Variants in ASCC2 observed in about 807,000 individuals in gnomAD.
The protein encoded by ASCC2 is ASC-1 complex subunit P100.
Under a neutral mutation model 93.5 loss-of-function variants are expected in ASCC2, and 42 were observed. The observed-to-expected ratio is 0.45, with a 90% confidence interval of 0.35 to 0.58. The LOEUF is 0.58. Among genes scored for constraint, ASCC2 ranks in the 20% least tolerant of loss-of-function variants. ASCC2 has a pLI of 0.00. For missense variants in ASCC2, 859 were observed against 977.6 expected (o/e 0.88, Z 1.62); for synonymous variants, 364 against 384.2 (o/e 0.95, Z 0.62).
intron 1 of ASCC2, among the ~76,000 whole-genome samples, chr22:29,837,974 C>T (rs1454670877): frequency 6.6e-6 from 1 of 152,232 alleles, no homozygotes; most frequent in Non-Finnish European, 1.5e-5. Context: ...TGGTCCAACG[C>T]CACTCTGGGG....
At chr22:29,813,364 T>A in intron 8 of ASCC2, 66 bp downstream of exon 8, 1 of 1,153,330 alleles carries the variant, frequency 8.7e-7, no homozygotes, top group Non-Finnish European at 1.3e-6. Context: ...GTTAAATGAG[T>A]AAATATTTGT....
In ASCC2 at chr22:29,804,665, T is replaced by C; in HGVS notation, c.1326A>G (p.Ser442=). The C allele has an allele frequency of 6.2e-7, 1 of 1,614,114 alleles. No homozygotes were observed. The highest frequency in any genetic ancestry group is 8.5e-7 in the Non-Finnish European group (1 of 1,180,008). ...CCTCTTCCTCCGAGTTCTCCGGATG[T>C]GATGATGCTTGACTGACTGCCTCTG... The part of the protein sequence containing the change: ...VTAEAVSQAS[S]HPENSEEEEC... The change falls in exon 13 of 20, where the codon TCA becomes TCG. Residue 442 remains serine (S), a synonymous_variant. Transcript: ENST00000307790.
chr22:29,800,081 C>T (rs1440870644), intron 15 of ASCC2, among the ~76,000 whole-genome samples: 1 of 152,258 alleles, frequency 6.6e-6, no homozygotes, highest in Non-Finnish European at 1.5e-5. Flanking sequence ...CCGCTGCACC[C>T]AGCCCTGATC....
At position 29,788,783 on chromosome 22, in the gene ASCC2, G is replaced by T; in HGVS notation, c.*230C>A. 3.6e-6 allele frequency: 2 copies of T among 561,584 alleles called. No homozygotes were observed. The highest frequency in any genetic ancestry group is 4.2e-5 in the South Asian group (2 of 47,152). 34.8% of individuals were successfully genotyped at this position (561,584 alleles called of 1,614,324 possible). A position where few individuals can be genotyped will look rare whatever the true frequency, so the allele number is the denominator to read the frequency against. On this transcript the variant is annotated 3_prime_UTR_variant, in exon 20 of 20. Transcript: ENST00000307790. ...CTAGCGCAGCTGGGGGAAGGTGCCT[G>T]CTTGCCGGCCCCACGGATTCTTCGG...
chr22:29,834,507 C>T, intron 1 of ASCC2: 1 of 471,070 alleles, frequency 2.1e-6, no homozygotes. Context: ...GCTCTAGGAT[C>T]CCAGCAGATC....
intron 15 of ASCC2, among the ~76,000 whole-genome samples, chr22:29,793,968 G>A (rs191320740): frequency 7.7e-4 from 117 of 151,086 alleles, no homozygotes; most frequent in Non-Finnish European, 1.5e-3. Context: ...GCACGATCTC[G>A]GCTCACTGCA....
rs2061669080 is a variant in ASCC2, at chr22:29,822,327, C to T, written c.541+8G>A. 1 of 1,613,790 alleles carries T rather than the reference C, an allele frequency of 6.2e-7. No homozygotes were observed. Among genetic ancestry groups the T allele is most frequent in the South Asian group, 1.1e-5 (1 of 91,066 alleles). On this transcript the variant is annotated splice_region_variant and intron_variant, in intron 5 of 19. Coordinates refer to ENST00000307790, the MANE Select transcript of ASCC2 (RefSeq NM_032204.5). Reference sequence around the variant, plus strand: ...TGGTGCATCCTCCCAGTCCTGCATCCTACACACCTATCATCTTCTGGAGCA... The same window carrying T: ...TGGTGCATCCTCCCAGTCCTGCATCTTACACACCTATCATCTTCTGGAGCA...
chr22:29,806,659 G>A (rs2059706223), intron 10 of ASCC2, 106 bp from the exon 11 acceptor site: 1 of 1,430,566 alleles, frequency 7.0e-7, no homozygotes, highest in East Asian at 2.4e-5. Flanking sequence ...GTGGAGGAAT[G>A]AGGCATTTTT....
At chr22:29,830,063 G>A (rs551588724) in intron 2 of ASCC2, among the ~76,000 whole-genome samples, 4 of 152,094 alleles carry the variant, frequency 2.6e-5, no homozygotes, top group Admixed American at 2.0e-4. Context: ...ACCCCTCTTC[G>A]ATCAGGCAGC....
At chr22:29,795,851 A>G (rs1477361758) in intron 15 of ASCC2, among the ~76,000 whole-genome samples, 2 of 152,190 alleles carry the variant, frequency 1.3e-5, no homozygotes, top group African/African-American at 2.4e-5. Context: ...GGGAAAATCA[A>G]TATGAGATGC....
At chr22:29,810,302 C>G (rs36576) in intron 8 of ASCC2, 1 of 152,050 alleles carries the variant, frequency 6.6e-6, no homozygotes, top group African/African-American at 2.4e-5. Flanking sequence ...TGGTATAATT[C>G]TTCCCCCAAA....
intron 15 of ASCC2, among the ~76,000 whole-genome samples, chr22:29,798,134 C>A (rs553407610): frequency 1.3e-5 from 2 of 152,138 alleles, no homozygotes; most frequent in Non-Finnish European, 2.9e-5. Context: ...GGGGACCCTG[C>A]CTCTTGCCCA....
intron 13 of ASCC2, among the ~76,000 whole-genome samples, chr22:29,803,805 C>T (rs1403622987): frequency 1.3e-5 from 2 of 152,160 alleles, no homozygotes; most frequent in East Asian, 3.8e-4. Flanking sequence ...GTGAAGGAGG[C>T]CATTGTTCTC....
rs557615682 is a variant in ASCC2 at position 29,820,901 on chromosome 22, C to T, written c.541+1434G>A. ...AGCCTGGGCAACAAGAGCGAAACTC[C>T]ATCTCAATACACAAAAAAAAAAAAA... On this transcript the variant is annotated intron_variant, in intron 5 of 19. Transcript: ENST00000307790. Among the ~76,000 whole-genome samples the T allele has an allele frequency of 2.2e-4, 29 of 131,610 alleles. 1 individual carries two copies. The South Asian group carries it at 6.7e-3, about 30-fold the overall frequency. The allele number at this position is 131,610 out of a possible 152,430, so 86.3% of individuals were successfully genotyped here. A position where few individuals can be genotyped will look rare whatever the true frequency, so the allele number is the denominator to read the frequency against.
chr22:29,802,247 T>C (rs1249360886), intron 13 of ASCC2, 39 bp from the exon 14 acceptor site: 2 of 1,604,186 alleles, frequency 1.2e-6, no homozygotes, highest in East Asian at 2.2e-5. Flanking sequence ...GAAGGCTAAG[T>C]GGGCCGGTGA....
At chr22:29,835,898 G>T (rs2063721739) in intron 1 of ASCC2, among the ~76,000 whole-genome samples, 1 of 152,096 alleles carries the variant, frequency 6.6e-6, no homozygotes, top group South Asian at 2.1e-4. Context: ...GAGAAAGGAA[G>T]GATATTACAA....
intron 9 of ASCC2, among the ~76,000 whole-genome samples, chr22:29,807,161 C>T (rs529393150): frequency 9.5e-4 from 135 of 142,290 alleles, no homozygotes; most frequent in Non-Finnish European, 1.3e-3. Context: ...GGATCGCATT[C>T]GCCTGGGAGG....
chr22:29,810,339 T>G (rs987896242), intron 8 of ASCC2: 2 of 152,244 alleles, frequency 1.3e-5, no homozygotes, highest in Non-Finnish European at 1.5e-5. Context: ...AAGCCGGAAC[T>G]GCAGCTTAAG....
chr22:29,804,547 G>C, intron 13 of ASCC2, 91 bp downstream of exon 13: 1 of 1,495,422 alleles, frequency 6.7e-7, no homozygotes, highest in Non-Finnish European at 9.1e-7. Context: ...GAGTATAAAA[G>C]CAAAGAAGGG....
Sources: allele counts gnomAD v4.1 joint callset (sites outside exome capture counted in the v4.1 genomes callset), GRCh38; gene constraint gnomAD v4.1.1; transcripts MANE v1.5; gene names NCBI Gene and HGNC (gene_info 2026-07-23, HGNC 2026-07-21).